TLK1: variants seen among roughly 807,000 people sequenced by gnomAD.
The protein encoded by TLK1 is tousled like kinase 1.
In TLK1, 24 loss-of-function variants were observed where a neutral mutation model predicts 105.3. The observed-to-expected ratio is 0.23, with a 90% CI of 0.17 to 0.32. TLK1 has a LOEUF of 0.32. Among genes scored for constraint, TLK1 ranks in the 10% least tolerant of loss-of-function variants. TLK1 has a pLI of 1.00. For missense variants in TLK1, 558 were observed against 910.5 expected (o/e 0.61, Z 4.98); for synonymous variants, 321 against 310.4 (o/e 1.03, Z -0.36).
chr2:171,012,988 G>C (rs1207209789), intron 13 of TLK1, among the ~76,000 whole-genome samples: 1 of 149,962 alleles, frequency 6.7e-6, no homozygotes, highest in African/African-American at 2.4e-5. Context: ...TCTTAAATTA[G>C]TTTTGTACCA....
intron 2 of TLK1, among the ~76,000 whole-genome samples, chr2:171,104,183 T>C (rs1575598196): frequency 1.3e-5 from 2 of 150,640 alleles, no homozygotes; most frequent in Admixed American, 6.7e-5. Context: ...GGCTGAGGCA[T>C]GAGAATTGCT....
chr2:171,082,514 C>G (rs1015371721), intron 3 of TLK1, among the ~76,000 whole-genome samples: 12 of 152,144 alleles, frequency 7.9e-5, no homozygotes, highest in African/African-American at 2.9e-4. Flanking sequence ...CTATGAATGG[C>G]TAATAACTGT....
intron 2 of TLK1, among the ~76,000 whole-genome samples, chr2:171,091,099 T>C (rs1689209494): frequency 6.6e-6 from 1 of 152,228 alleles, no homozygotes; most frequent in Non-Finnish European, 1.5e-5. Context: ...AAAGCCATAC[T>C]CATTTCATTA....
At chr2:171,037,434 T>TC (rs1686412629) in intron 11 of TLK1, among the ~76,000 whole-genome samples, 1 of 106,676 alleles carries the variant, frequency 9.4e-6, no homozygotes, top group Non-Finnish European at 2.1e-5. Context: ...AGAGTGAAAC[T>TC]CCGTCTCAAA....
chr2:171,021,122 G>A (rs1421026018), intron 12 of TLK1, among the ~76,000 whole-genome samples: 2 of 152,052 alleles, frequency 1.3e-5, no homozygotes, highest in African/African-American at 2.4e-5. Flanking sequence ...ATTAATACCC[G>A]TAACTTGGAA....
chr2:171,095,458 A>G (rs1689414581), intron 2 of TLK1, among the ~76,000 whole-genome samples: 1 of 152,190 alleles, frequency 6.6e-6, no homozygotes, highest in Admixed American at 6.5e-5. Context: ...TACAGAACTA[A>G]GAATTACAAG....
Position 170,996,644 on chromosome 2 carries a change from A to G in TLK1, c.2124+9T>C. ...TACTTCACAAAACTCATTTACAAAA[A>G]TTTAATACCTTGGCTTCACTGCTTA... On this transcript the variant is annotated intron_variant, in intron 20 of 20. Transcript: ENST00000431350. 6.2e-7 allele frequency: 1 copy of G among 1,604,490 alleles called. No homozygotes were observed. Among genetic ancestry groups the G allele is most frequent in the Admixed American group, 1.7e-5 (1 of 57,608 alleles).
intron 6 of TLK1, 72 bp from the exon 7 acceptor site, chr2:171,055,244 ATTAGCAACAATTACTTAAC>A (rs1687447078): frequency 1.2e-6 from 1 of 848,760 alleles, no homozygotes; most frequent in African/African-American, 1.8e-5. Flanking sequence ...CAGATTTCTA[ATTAGCAACAATTACTTAAC>A]ATTTCTGAAG....
At chr2:171,223,606 A>G (rs747137989) in intron 1 of TLK1, among the ~76,000 whole-genome samples, 56 of 150,480 alleles carry the variant, frequency 3.7e-4, no homozygotes, top group Non-Finnish European at 1.2e-4. Context: ...CAGCCTCCTG[A>G]GTAGCTGGGA....
At chr2:171,207,198 A>G (rs1192928824) in intron 1 of TLK1, among the ~76,000 whole-genome samples, 3 of 152,246 alleles carry the variant, frequency 2.0e-5, no homozygotes, top group African/African-American at 7.2e-5. Flanking sequence ...CTACAAGGGA[A>G]TATTCTTCAG....
chr2:171,103,281 T>TATATATATATATATATATATAAAA (rs1018211660), intron 2 of TLK1, among the ~76,000 whole-genome samples: 4 of 150,050 alleles, frequency 2.7e-5, no homozygotes, highest in African/African-American at 1.0e-4. Context: ...TATATATATA[T>TATATATATATATATATATATAAAA]AATTTTTTTT....
At chr2:171,130,396 T>C (rs1342418321) in intron 1 of TLK1, among the ~76,000 whole-genome samples, 4 of 82,804 alleles carry the variant, frequency 4.8e-5, no homozygotes, top group Non-Finnish European at 1.2e-4. Flanking sequence ...AGCAACTCTA[T>C]CTCGGGGAAA....
chr2:171,140,516 T>C (rs1691530519), intron 1 of TLK1, among the ~76,000 whole-genome samples: 1 of 152,122 alleles, frequency 6.6e-6, no homozygotes, highest in Non-Finnish European at 1.5e-5. Context: ...CAGACAAAAA[T>C]GAGACCCTGA....
chr2:171,192,540 C>T (rs928741160), intron 1 of TLK1, among the ~76,000 whole-genome samples: 1 of 152,048 alleles, frequency 6.6e-6, no homozygotes, highest in East Asian at 1.9e-4. Flanking sequence ...ATTAGCCGGG[C>T]ATGGTTGCAC....
chr2:171,222,710 A>G (rs78301862), intron 1 of TLK1, among the ~76,000 whole-genome samples: 4,203 of 152,300 alleles, frequency 0.028, 211 homozygotes, highest in African/African-American at 0.095. Context: ...TTGGATATCC[A>G]TCACCTCAAG....
chr2:171,186,419 T>C (rs1431891591), intron 1 of TLK1, among the ~76,000 whole-genome samples: 1 of 152,224 alleles, frequency 6.6e-6, no homozygotes. Flanking sequence ...GGGGAAATTT[T>C]CGTCACAATG....
chr2:171,050,304 G>T, intron 8 of TLK1, 130 bp from the exon 9 acceptor site: 3 of 416,802 alleles, frequency 7.2e-6, no homozygotes, highest in East Asian at 4.5e-5. Context: ...TATGATACGA[G>T]AAAAAAAAAA....
chr2:171,109,934 C>G (rs1048925540), intron 2 of TLK1, among the ~76,000 whole-genome samples: 1 of 152,104 alleles, frequency 6.6e-6, no homozygotes, highest in African/African-American at 2.4e-5. Context: ...ACAGGCAGAA[C>G]TAATCTGTAG....
At position 171,061,098 on chromosome 2, in the gene TLK1, T is replaced by G; in HGVS notation, c.389A>C (p.Gln130Pro). Residue 130 changes from glutamine (Q) to proline (P), a missense_variant, in exon 4 of 21, where the codon CAG becomes CCG. By Grantham distance (76) the Gln-to-Pro change is moderately conservative. Coordinates refer to ENST00000431350, the MANE Select transcript of TLK1 (RefSeq NM_012290.5). ...SRGRKRKAEN[Q>P]NESSQGKSIG... The stretch of plus-strand genomic sequence containing the variant: ...GTGCTTACCCTGACTACTTTCATTC[T>G]GGTTTTCTGCTTTTCTCTTTCTTCC... The G allele has an allele frequency of 6.2e-7, 1 of 1,613,644 alleles. No individual in the cohort carries two copies. The highest frequency in any genetic ancestry group is 1.1e-5 in the South Asian group (1 of 91,062).
Sources: gnomAD v4.1 joint callset for allele counts (sites outside exome capture counted in the v4.1 genomes callset) on GRCh38, gnomAD v4.1.1 for gene constraint, MANE v1.5 for transcripts, NCBI Gene and HGNC (gene_info 2026-07-23, HGNC 2026-07-21) for gene names.